NPAT: variants seen among roughly 807,000 people sequenced by gnomAD.
NPAT encodes the protein protein NPAT.
A neutral mutation model predicts 130.7 loss-of-function variants in NPAT; 52 were observed. The observed-to-expected ratio is 0.40, with a 90% CI of 0.32 to 0.50. The LOEUF (loss-of-function observed/expected upper bound fraction) is 0.50. Among genes scored for constraint, NPAT ranks in the 20% least tolerant of loss-of-function variants. The pLI, the probability that NPAT is intolerant of heterozygous loss-of-function variation, is 0.68. For missense variants in NPAT, 1,687 were observed against 1,662.6 expected, an observed-to-expected ratio of 1.01 and a Z score of -0.26; for synonymous variants, 580 against 584.8, an observed-to-expected ratio of 0.99 and a Z score of 0.12.
At chr11:108,165,021 A>G (rs977897060) in intron 15 of NPAT, among the ~76,000 whole-genome samples, 1 of 152,070 alleles carries the variant, frequency 6.6e-6, no homozygotes, top group East Asian at 1.9e-4. Flanking sequence ...AAAATAAAAT[A>G]AATAAATAAA....
intron 15 of NPAT, among the ~76,000 whole-genome samples, chr11:108,165,369 C>T (rs1314874709): frequency 6.6e-6 from 1 of 151,412 alleles, no homozygotes; most frequent in East Asian, 1.9e-4. Context: ...CTCAGCCTCC[C>T]AAGTTGCTAG....
chr11:108,177,109 G>A lies in NPAT; in HGVS notation c.907-19C>T, dbSNP rs375185249. On this transcript the variant is annotated intron_variant, in intron 10 of 17. Transcript: ENST00000278612. The stretch of plus-strand genomic sequence containing the variant: ...TTTCACTCTGCAAGAAAGGAGTGGC[G>A]TGAAGGCATGATTCTAACTGAATTT... 68 of 1,337,662 alleles carry A rather than the reference G, an allele frequency of 5.1e-5. No individual in the cohort carries two copies. Among genetic ancestry groups the A allele is most frequent in the African/African-American group, 1.9e-4 (13 of 69,582 alleles). 82.9% of individuals were successfully genotyped at this position (1,337,662 alleles called of 1,614,324 possible).
chr11:108,210,993 G>T (rs956853973), intron 1 of NPAT, among the ~76,000 whole-genome samples: 5 of 152,110 alleles, frequency 3.3e-5, no homozygotes, highest in Non-Finnish European at 7.4e-5. Context: ...GGCCGAGGTG[G>T]GTGGATCATG....
chr11:108,164,835 A>AC (rs1256746743), intron 15 of NPAT, among the ~76,000 whole-genome samples: 5 of 152,056 alleles, frequency 3.3e-5, no homozygotes, highest in Admixed American at 3.3e-4. Context: ...AACACGGAGA[A>AC]CCCCGTCTCT....
intron 1 of NPAT, among the ~76,000 whole-genome samples, chr11:108,197,768 T>C (rs1283028985): frequency 6.6e-6 from 1 of 152,238 alleles, no homozygotes; most frequent in African/African-American, 2.4e-5. Flanking sequence ...CAGTTGATGG[T>C]ATAAATTCAC....
chr11:108,221,505 T>C (rs1398675538), intron 1 of NPAT, among the ~76,000 whole-genome samples: 1 of 152,232 alleles, frequency 6.6e-6, no homozygotes, highest in African/African-American at 2.4e-5. Context: ...TCCTGCAAAA[T>C]GTGCTTATCA....
chr11:108,179,542 A>G (rs1309291095), intron 10 of NPAT, among the ~76,000 whole-genome samples: 1 of 152,354 alleles, frequency 6.6e-6, no homozygotes, highest in East Asian at 1.9e-4. Context: ...GCCCGGACTC[A>G]TATTATACTT....
At chr11:108,205,166 A>G (rs754917026) in intron 1 of NPAT, among the ~76,000 whole-genome samples, 3 of 152,228 alleles carry the variant, frequency 2.0e-5, no homozygotes, top group Admixed American at 1.3e-4. Flanking sequence ...CTCACCAGAA[A>G]CCAGAAGTAG....
intron 1 of NPAT, 152 bp from the exon 2 acceptor site, chr11:108,197,572 G>A (rs952963511): frequency 1.0e-5 from 7 of 675,224 alleles, no homozygotes; most frequent in African/African-American, 1.8e-5. Flanking sequence ...GAAACACCAG[G>A]TTGTGCTGCA....
chr11:108,173,896 G>T, intron 12 of NPAT, 45 bp from the exon 13 acceptor site: 1 of 1,539,248 alleles, frequency 6.5e-7, no homozygotes, highest in Non-Finnish European at 9.0e-7. Context: ...AATATGTTCA[G>T]CTTCTGAGGT....
intron 15 of NPAT, among the ~76,000 whole-genome samples, chr11:108,168,357 A>G (rs2077919549): frequency 6.6e-6 from 1 of 152,248 alleles, no homozygotes; most frequent in Non-Finnish European, 1.5e-5. Context: ...TCAAATGGCC[A>G]TTAAAAGGAA....
intron 3 of NPAT, 48 bp from the exon 4 acceptor site, chr11:108,192,238 T>C (rs1259191667): frequency 8.5e-7 from 1 of 1,175,956 alleles, no homozygotes; most frequent in Admixed American, 1.7e-5. Context: ...TGAAGAAATT[T>C]CATCATTCAT....
intron 15 of NPAT, among the ~76,000 whole-genome samples, chr11:108,167,909 G>GAA (rs2077915639): frequency 6.6e-6 from 1 of 152,044 alleles, no homozygotes; most frequent in Non-Finnish European, 1.5e-5. Context: ...AAAAGGATAT[G>GAA]AATAAGCAAT....
chr11:108,204,275 T>C (rs1321374708), intron 1 of NPAT, among the ~76,000 whole-genome samples: 1 of 152,104 alleles, frequency 6.6e-6, no homozygotes, highest in East Asian at 1.9e-4. Context: ...ACAACTAGAA[T>C]GAAAACTTCC....
chr11:108,194,947 C>A (rs769739630), intron 2 of NPAT, among the ~76,000 whole-genome samples: 84 of 152,166 alleles, frequency 5.5e-4, no homozygotes, highest in Non-Finnish European at 1.3e-4. Flanking sequence ...TCTCAGCCTC[C>A]CGAGTAGCTG....
At chr11:108,193,927 A>T in intron 3 of NPAT, 30 bp downstream of exon 3, 1 of 1,332,228 alleles carries the variant, frequency 7.5e-7, no homozygotes, top group Non-Finnish European at 1.1e-6. Flanking sequence ...TGTATACATC[A>T]GCAAAAAAAC....
chr11:108,190,067 T>G (rs2078151675), intron 5 of NPAT, among the ~76,000 whole-genome samples: 1 of 151,048 alleles, frequency 6.6e-6, no homozygotes, highest in Non-Finnish European at 1.5e-5. Flanking sequence ...ATCCCAGCAC[T>G]TTGGGAGGCT....
intron 10 of NPAT, among the ~76,000 whole-genome samples, chr11:108,183,662 C>T (rs921538385): frequency 5.3e-5 from 8 of 151,952 alleles, no homozygotes; most frequent in African/African-American, 1.7e-4. Context: ...ATTAGCCAGG[C>T]GTGGAGGTGC....
At chr11:108,222,404 CA>C (rs1306462826) in intron 1 of NPAT, 95 bp downstream of exon 1, 2 of 1,361,290 alleles carry the variant, frequency 1.5e-6, no homozygotes, top group African/African-American at 2.9e-5. Flanking sequence ...GGCAAAACCC[CA>C]AAGCTTCCCT....
Sources: allele counts gnomAD v4.1 joint callset (sites outside exome capture counted in the v4.1 genomes callset), GRCh38; gene constraint gnomAD v4.1.1; transcripts MANE v1.5; gene names NCBI Gene and HGNC (gene_info 2026-07-23, HGNC 2026-07-21).